TBL3: variants seen among roughly 807,000 people sequenced by gnomAD.
TBL3 encodes transducin beta-like protein 3.
A neutral mutation model predicts 102.7 loss-of-function variants in TBL3; 71 were observed. That is an observed-to-expected ratio of 0.69 (90% CI 0.57 to 0.84). The LOEUF is 0.84. Ranked by LOEUF, TBL3 falls within the 40% of genes least tolerant of loss-of-function variation. The pLI, the probability that TBL3 is intolerant of heterozygous loss-of-function variation, is 0.00. For missense variants in TBL3, 1,188 were observed against 1,098.5 expected (o/e 1.08, Z -1.15); for synonymous variants, 578 against 477.7 (o/e 1.21, Z -2.74).
At position 1,979,941 on chromosome 16, in the gene TBL3, G is replaced by C. The variant is rs375463245; in HGVS notation, c.*1256G>C. 2 of 1,575,874 alleles carry C rather than the reference G, an allele frequency of 1.3e-6. No individual in the cohort carries two copies. The highest frequency in any genetic ancestry group is 1.7e-6 in the Non-Finnish European group (2 of 1,161,058). On this transcript the variant is annotated 3_prime_UTR_variant, in exon 22 of 22. Coordinates refer to ENST00000568546, the MANE Select transcript of TBL3 (RefSeq NM_006453.3). ...AGCGGGCAGGGACTCAAATCTCGAG[G>C]CTCCCTCGGGTCCAGGAGCAGAGGA...
chr16:1,979,049 C>A lies in TBL3; in HGVS notation c.*364C>A. 6.5e-7 allele frequency: 1 copy of A among 1,544,416 alleles called. No individual in the cohort carries two copies. ...GTCCATCCCCTCATCGGGATCCTCG[C>A]GCTCACTGCTCCGTCGTGGGGTGCG... On this transcript the variant is annotated 3_prime_UTR_variant, in exon 22 of 22. Transcript: ENST00000568546.
At position 1,978,911 on chromosome 16, in the gene TBL3, T is replaced by C. The variant is rs936619414; in HGVS notation, c.*226T>C. ...CCCGCGGCTCCGCACGCTTAGACGGTGGGGGTCATGCAGAACAAGCTTTAC... is the reference window on the plus strand; with the variant it reads ...CCCGCGGCTCCGCACGCTTAGACGGCGGGGGTCATGCAGAACAAGCTTTAC... On this transcript the variant is annotated 3_prime_UTR_variant, in exon 22 of 22. Transcript: ENST00000568546. 4 of 1,094,100 alleles carry C rather than the reference T, an allele frequency of 3.7e-6. No homozygotes were observed. Among genetic ancestry groups the C allele is most frequent in the African/African-American group, 3.2e-5 (2 of 62,654 alleles). The allele number at this position is 1,094,100 out of a possible 1,614,324, so 67.8% of individuals were successfully genotyped here.
In TBL3 at chr16:1,979,782, G is replaced by T. The variant is rs752232965; in HGVS notation, c.*1097G>T. 3.9e-6 allele frequency: 6 copies of T among 1,527,652 alleles called. No homozygotes were observed. The highest frequency in any genetic ancestry group is 2.4e-5 in the South Asian group (2 of 83,248). 94.6% of individuals were successfully genotyped at this position (1,527,652 alleles called of 1,614,324 possible). On this transcript the variant is annotated 3_prime_UTR_variant, in exon 22 of 22. Transcript: ENST00000568546. Reference sequence around the variant, plus strand: ...GTGGTGGCGTGAGGGGTGGGGTTAGGCGCATACCGCTGCTCCCTAGGGACG... The same window carrying T: ...GTGGTGGCGTGAGGGGTGGGGTTAGTCGCATACCGCTGCTCCCTAGGGACG...
In TBL3 at chr16:1,981,427, A is replaced by G; in HGVS notation, c.*2742A>G. ...ACTTCCAGGCAGAGCTGCTGGGAGG[A>G]AGAAGAAGAATGAGCTTTCCAGCCC... On this transcript the variant is annotated 3_prime_UTR_variant, in exon 22 of 22. Coordinates refer to ENST00000568546, the MANE Select transcript of TBL3 (RefSeq NM_006453.3). 1 of 918,958 alleles carries G rather than the reference A, an allele frequency of 1.1e-6. No individual in the cohort carries two copies. The highest frequency in any genetic ancestry group is 1.6e-6 in the Non-Finnish European group (1 of 639,920). 56.9% of individuals were successfully genotyped at this position (918,958 alleles called of 1,614,324 possible).
In TBL3 at chr16:1,979,730, C is replaced by G; in HGVS notation, c.*1045C>G. 7.4e-7 allele frequency: 1 copy of G among 1,355,738 alleles called. No homozygotes were observed. Among genetic ancestry groups the G allele is most frequent in the Admixed American group, 2.4e-5 (1 of 42,402 alleles). The allele number at this position is 1,355,738 out of a possible 1,614,324, so 84.0% of individuals were successfully genotyped here. On this transcript the variant is annotated 3_prime_UTR_variant, in exon 22 of 22. Transcript: ENST00000568546. ...CCGCCCTGCCCGCGGTGCTTCTGGC[C>G]CAGTCTTGCCACACGGTCAAGCCGC...
intron 6 of TBL3, 21 bp downstream of exon 6, chr16:1,974,868 G>A: frequency 1.9e-6 from 3 of 1,613,060 alleles, no homozygotes; most frequent in Non-Finnish European, 2.5e-6. Context: ...AGGTGGAGGG[G>A]GAGGGCAGAG....
chr16:1,978,336 A>C lies in TBL3; in HGVS notation c.2158A>C (p.Thr720Pro), dbSNP rs761122408. ...AGAGGCCCTGCTGCGCTTCTGCGTC[A>C]CGTGGAACACCAACTCGCGGCACTG... ...QKEALLRFCV[T>P]WNTNSRHCHE... is the part of the protein sequence containing the mutation. Residue 720 changes from threonine to proline, a missense_variant, in exon 21 of 22, where the codon ACG (threonine) becomes CCG (proline). Thr to Pro is a conservative substitution (Grantham distance 38, BLOSUM62 -1). Transcript: ENST00000568546. The C allele has an allele frequency of 1.2e-6, 2 of 1,610,340 alleles. No individual in the cohort carries two copies. Among genetic ancestry groups the C allele is most frequent in the Non-Finnish European group, 1.7e-6 (2 of 1,178,430 alleles).
At chr16:1,976,662 C>G (rs1204334071) in intron 13 of TBL3, 152 bp from the exon 14 acceptor site, 4 of 839,162 alleles carry the variant, frequency 4.8e-6, no homozygotes, top group Non-Finnish European at 7.3e-6. Context: ...GGGCTTGATC[C>G]TACAGGTGCC....
At position 1,980,680 on chromosome 16, in the gene TBL3, C is replaced by A; in HGVS notation, c.*1995C>A. On this transcript the variant is annotated 3_prime_UTR_variant, in exon 22 of 22. Coordinates refer to ENST00000568546, the MANE Select transcript of TBL3 (RefSeq NM_006453.3). Reference sequence around the variant, plus strand: ...CCGAGAAGCTTTGGGAGAACGCGGTCAGATCTCCGCAGCAGGCCCGCCTCC... The same window carrying A: ...CCGAGAAGCTTTGGGAGAACGCGGTAAGATCTCCGCAGCAGGCCCGCCTCC... 6.2e-7 allele frequency: 1 copy of A among 1,606,982 alleles called. No individual in the cohort carries two copies. Among genetic ancestry groups the A allele is most frequent in the Non-Finnish European group, 8.5e-7 (1 of 1,177,166 alleles).
Position 1,977,261 on chromosome 16 carries a change from C to T in TBL3, c.1648C>T (p.Leu550Phe), listed in dbSNP as rs1286284302. 5 of 1,613,346 alleles carry T rather than the reference C, an allele frequency of 3.1e-6. No homozygotes were observed. The highest frequency in any genetic ancestry group is 4.2e-6 in the Non-Finnish European group (5 of 1,179,952). ...TGATGGCACCATCAAGCTCTGGGCA[C>T]TCCAGGACTTCAGCTGTCTCAAGGT... ...SADGTIKLWALQDFSCLKTFE... is the reference protein window; with the variant it reads ...SADGTIKLWAFQDFSCLKTFE... Residue 550 changes from leucine to phenylalanine, a missense_variant, in exon 15 of 22, where the codon CTC (leucine) becomes TTC (phenylalanine). By Grantham distance (22) the Leu-to-Phe change is conservative (BLOSUM62 0). Coordinates refer to ENST00000568546, the MANE Select transcript of TBL3 (RefSeq NM_006453.3).
At position 1,980,416 on chromosome 16, in the gene TBL3, A is replaced by G. The variant is rs752505403; in HGVS notation, c.*1731A>G. Reference sequence around the variant, plus strand: ...AGGTCCAGGGGTTGCGGTGCGAAGAAGCCAGTGATCGTCGGGCTCCGTGCC... The same window carrying G: ...AGGTCCAGGGGTTGCGGTGCGAAGAGGCCAGTGATCGTCGGGCTCCGTGCC... On this transcript the variant is annotated 3_prime_UTR_variant, in exon 22 of 22. Transcript: ENST00000568546. 1 of 1,603,040 alleles carries G rather than the reference A, an allele frequency of 6.2e-7. No homozygotes were observed. Among genetic ancestry groups the G allele is most frequent in the South Asian group, 1.1e-5 (1 of 91,056 alleles).
At chr16:1,978,123 C>T (rs775333831) in intron 19 of TBL3, 26 bp from the exon 20 acceptor site, 6 of 1,611,918 alleles carry the variant, frequency 3.7e-6, no homozygotes, top group Non-Finnish European at 5.1e-6. Flanking sequence ...CTGCTTTCCC[C>T]AGCTCAGCCT....
At position 1,975,906 on chromosome 16, in the gene TBL3, T is replaced by A; in HGVS notation, c.1086T>A (p.Phe362Leu). Reference sequence around the variant, plus strand: ...CCAATAGCCCCTGCCTAAAAGTGTTTGAGCTGCAGACGTCAGCCTGCCAGA... The same window carrying A: ...CCAATAGCCCCTGCCTAAAAGTGTTAGAGCTGCAGACGTCAGCCTGCCAGA... Reference protein sequence around the residue: ...VASNSPCLKVFELQTSACQIL... With the variant: ...VASNSPCLKVLELQTSACQIL... Residue 362 changes from phenylalanine (F) to leucine (L), a missense_variant, in exon 11 of 22, where the codon TTT (phenylalanine) becomes TTA (leucine). By Grantham distance (22) the Phe-to-Leu change is conservative. Transcript: ENST00000568546. The A allele has an allele frequency of 1.9e-6, 3 of 1,614,144 alleles. No homozygotes were observed. Among genetic ancestry groups the A allele is most frequent in the Non-Finnish European group, 2.5e-6 (3 of 1,180,034 alleles).
In TBL3 at chr16:1,981,395, T is replaced by C; in HGVS notation, c.*2710T>C. 2 of 1,220,688 alleles carry C rather than the reference T, an allele frequency of 1.6e-6. No homozygotes were observed. The highest frequency in any genetic ancestry group is 1.6e-5 in the South Asian group (1 of 60,812). The allele number at this position is 1,220,688 out of a possible 1,614,324, so 75.6% of individuals were successfully genotyped here. A position where few individuals can be genotyped will look rare whatever the true frequency, so the allele number is the denominator to read the frequency against. ...CGATCTGGGGGCAGGAGCACAGGGA[T>C]TGGGGGACTTCCAGGCAGAGCTGCT... is the stretch of plus-strand genomic sequence containing the variant. On this transcript the variant is annotated 3_prime_UTR_variant, in exon 22 of 22. Coordinates refer to ENST00000568546, the MANE Select transcript of TBL3 (RefSeq NM_006453.3).
chr16:1,980,179 C>T lies in TBL3; in HGVS notation c.*1494C>T, dbSNP rs530197455. On this transcript the variant is annotated 3_prime_UTR_variant, in exon 22 of 22. Coordinates refer to ENST00000568546, the MANE Select transcript of TBL3 (RefSeq NM_006453.3). ...CTCCTCTGGGGTGGGCAGGATCACCCGGCTGGGAAGGGCAGCCCGTACGAG... is the reference window on the plus strand; with the variant it reads ...CTCCTCTGGGGTGGGCAGGATCACCTGGCTGGGAAGGGCAGCCCGTACGAG... 5.6e-6 allele frequency: 9 copies of T among 1,597,992 alleles called. No homozygotes were observed. In the South Asian group the frequency reaches 7.9e-5, roughly 14 times the overall value.
chr16:1,974,720 A>T, intron 5 of TBL3, 41 bp downstream of exon 5: 1 of 1,612,018 alleles, frequency 6.2e-7, no homozygotes, highest in South Asian at 1.1e-5. Flanking sequence ...GCACAGATGC[A>T]GGGGCTTTGG....
At position 1,974,977 on chromosome 16, in the gene TBL3, G is replaced by T; in HGVS notation, c.514G>T (p.Ala172Ser). The change falls in exon 7 of 22, where the codon GCC becomes TCC. Residue 172 changes from alanine (A) to serine (S), a missense_variant. Ala to Ser is a moderately conservative substitution (Grantham distance 99, BLOSUM62 1). Transcript: ENST00000568546. ...TACACGCCTGCTGCTCTTCTCCTCG[G>T]CCACGGATGCCGCCATCCGCGTGTG... ...DPTRLLLFSS[A>S]TDAAIRVWSL... 1.2e-6 allele frequency: 2 copies of T among 1,608,584 alleles called. No homozygotes were observed. The highest frequency in any genetic ancestry group is 8.5e-7 in the Non-Finnish European group (1 of 1,179,982).
rs2083414991 is a variant in TBL3, at chr16:1,977,643, C to T, written c.1872C>T (p.Ala624=). 1 of 1,551,966 alleles carries T rather than the reference C, an allele frequency of 6.4e-7. No individual in the cohort carries two copies. The highest frequency in any genetic ancestry group is 8.7e-7 in the Non-Finnish European group (1 of 1,147,294). The part of the protein sequence containing the change: ...SRLDDHALTG[A]SDSRVILWKD... ...TGGACGACCACGCCCTCACTGGGGC[C>T]AGTGACTCCCGAGTCATCCTCTGGA... is the stretch of plus-strand genomic sequence containing the variant. The change falls in exon 17 of 22, where the codon GCC becomes GCT. Residue 624 remains alanine, a synonymous_variant. Coordinates refer to ENST00000568546, the MANE Select transcript of TBL3 (RefSeq NM_006453.3).
At chr16:1,973,103 A>T (rs1178851064) in intron 1 of TBL3, among the ~76,000 whole-genome samples, 1 of 152,154 alleles carries the variant, frequency 6.6e-6, no homozygotes, top group Non-Finnish European at 1.5e-5. Context: ...GGGCAGTGAC[A>T]TCTTCAGTTA....
Sources: gnomAD v4.1 joint callset for allele counts (sites outside exome capture counted in the v4.1 genomes callset) on GRCh38, gnomAD v4.1.1 for gene constraint, MANE v1.5 for transcripts, NCBI Gene and HGNC (gene_info 2026-07-23, HGNC 2026-07-21) for gene names.